Variants in PCBP3 observed in about 807,000 individuals in gnomAD.
The protein encoded by PCBP3 is poly(rC)-binding protein 3.
A neutral mutation model predicts 52.7 loss-of-function variants in PCBP3; 25 were observed. The ratio of observed to expected loss-of-function variants is 0.47; its 90% CI spans 0.35 to 0.66. The LOEUF (loss-of-function observed/expected upper bound fraction) is 0.66, where lower values mean the gene tolerates loss of function less well. Ranked by LOEUF, PCBP3 falls within the 30% of genes least tolerant of loss-of-function variation. The pLI is 0.01. For missense variants in PCBP3, 391 were observed against 490.3 expected, an observed-to-expected ratio of 0.80 and a Z score of 1.91; for synonymous variants, 162 against 183.0, an observed-to-expected ratio of 0.89 and a Z score of 0.93.
intron 5 of PCBP3, among the ~76,000 whole-genome samples, chr21:45,875,345 G>A (rs184152179): frequency 4.3e-4 from 65 of 152,360 alleles, no homozygotes; most frequent in African/African-American, 1.4e-3. Context: ...GTTCCAGGTT[G>A]CCACATCCTG....
chr21:45,818,633 C>T (rs1603443304), intron 4 of PCBP3, among the ~76,000 whole-genome samples: 3 of 152,234 alleles, frequency 2.0e-5, no homozygotes, highest in Admixed American at 6.5e-5. Context: ...TCTCTCTAAC[C>T]GTGAGATCTA....
chr21:45,776,865 A>G (rs1443870710), intron 4 of PCBP3, among the ~76,000 whole-genome samples: 2 of 152,170 alleles, frequency 1.3e-5, no homozygotes, highest in Non-Finnish European at 2.9e-5. Context: ...TGAGGCGATT[A>G]TATGACAGGT....
chr21:45,862,312 A>C (rs1220219183), intron 5 of PCBP3, among the ~76,000 whole-genome samples: 1 of 152,214 alleles, frequency 6.6e-6, no homozygotes, highest in African/African-American at 2.4e-5. Flanking sequence ...AATGCATAAA[A>C]ATGCACAAAA....
At chr21:45,893,650 A>G (rs2095745948) in intron 5 of PCBP3, 3 of 645,718 alleles carry the variant, frequency 4.6e-6, no homozygotes, top group Non-Finnish European at 5.3e-6. Context: ...GCCCTCACGG[A>G]TGACTGTGCC....
At chr21:45,703,584 C>T (rs2083265241) in intron 2 of PCBP3, among the ~76,000 whole-genome samples, 1 of 152,148 alleles carries the variant, frequency 6.6e-6, no homozygotes, top group African/African-American at 2.4e-5. Context: ...TAGACTTTTA[C>T]TCCGTGGGAA....
chr21:45,646,057 CTCTCTCTCTCTCTCTCTCTCTCTCTT>C (rs1485124605), intron 1 of PCBP3, among the ~76,000 whole-genome samples: 4 of 111,064 alleles, frequency 3.6e-5, no homozygotes, highest in African/African-American at 1.6e-4. Context: ...ACCTGTTTCT[CTCTCTCTCTCTCTCTCTCTCTCTCTT>C]TCTCTCTCTC....
At chr21:45,794,924 G>C (rs2146490957) in intron 4 of PCBP3, among the ~76,000 whole-genome samples, 1 of 146,750 alleles carries the variant, frequency 6.8e-6, no homozygotes, top group Non-Finnish European at 1.5e-5. Flanking sequence ...GCCAGACTCT[G>C]TCTCAAAAAA....
At chr21:45,780,709 T>A (rs2090574691) in intron 4 of PCBP3, among the ~76,000 whole-genome samples, 1 of 152,078 alleles carries the variant, frequency 6.6e-6, no homozygotes, top group Admixed American at 6.6e-5. Flanking sequence ...TAATATGATC[T>A]CAGAGAGAAG....
At chr21:45,901,163 TC>T in intron 9 of PCBP3, 50 bp downstream of exon 9, 2 of 1,335,888 alleles carry the variant, frequency 1.5e-6, no homozygotes, top group Non-Finnish European at 2.1e-6. Context: ...GCAGGCCTGG[TC>T]CCAGCTGGCT....
At chr21:45,809,393 C>T (rs2092611505) in intron 4 of PCBP3, among the ~76,000 whole-genome samples, 1 of 152,048 alleles carries the variant, frequency 6.6e-6, no homozygotes, top group South Asian at 2.1e-4. Flanking sequence ...ATGTTGAGTA[C>T]AGAGAGTTGA....
At chr21:45,685,639 A>G (rs1052762038) in intron 2 of PCBP3, among the ~76,000 whole-genome samples, 1 of 152,206 alleles carries the variant, frequency 6.6e-6, no homozygotes, top group Non-Finnish European at 1.5e-5. Context: ...AGTACTTTTC[A>G]AACTGCATGG....
chr21:45,816,877 C>T (rs1391450436), intron 4 of PCBP3, among the ~76,000 whole-genome samples: 4 of 151,908 alleles, frequency 2.6e-5, no homozygotes, highest in Admixed American at 6.6e-5. Context: ...GTACGAGTTA[C>T]GCTCTGATGT....
At chr21:45,897,947 G>A (rs936139841) in intron 6 of PCBP3, among the ~76,000 whole-genome samples, 4 of 152,160 alleles carry the variant, frequency 2.6e-5, no homozygotes, top group African/African-American at 7.2e-5. Flanking sequence ...GTATCTGTGC[G>A]TGGCCTCCCG....
chr21:45,725,178 G>T (rs1187496843), intron 2 of PCBP3, among the ~76,000 whole-genome samples: 1 of 152,168 alleles, frequency 6.6e-6, no homozygotes, highest in African/African-American at 2.4e-5. Flanking sequence ...CTGGGCTGCG[G>T]TGCGTTGGCT....
At chr21:45,730,765 T>A (rs1385188682) in intron 2 of PCBP3, among the ~76,000 whole-genome samples, 1 of 152,180 alleles carries the variant, frequency 6.6e-6, no homozygotes, top group African/African-American at 2.4e-5. Flanking sequence ...ACCCCTTAAT[T>A]ATTATATAAT....
intron 2 of PCBP3, among the ~76,000 whole-genome samples, chr21:45,694,614 A>G (rs752753878): frequency 1.2e-4 from 19 of 152,236 alleles, no homozygotes; most frequent in Non-Finnish European, 1.8e-4. Flanking sequence ...ATACACAATC[A>G]TAGTTGAAAA....
At position 45,880,070 on chromosome 21, in the gene PCBP3, T is replaced by C. The variant is rs746927140; in HGVS notation, c.11-16138T>C. Among the ~76,000 whole-genome samples the C allele has an allele frequency of 5.3e-5, 8 of 152,306 alleles. No homozygotes were observed. The highest frequency in any genetic ancestry group is 6.8e-3 in the Middle Eastern group (2 of 294). On this transcript the variant is annotated intron_variant, in intron 5 of 17. Transcript: ENST00000681687. The surrounding 1 kb of genome is among the most constrained non-coding windows in gnomAD (Gnocchi z 5.4). ...GGTGGCAGTTCTCTGCTGTCTGCGT[T>C]TGTTGTGTGGCGTGAGAGTCCATCC... is the stretch of plus-strand genomic sequence containing the variant.
At chr21:45,854,869 G>A (rs1321043293) in intron 5 of PCBP3, among the ~76,000 whole-genome samples, 2 of 152,208 alleles carry the variant, frequency 1.3e-5, no homozygotes, top group African/African-American at 2.4e-5. Context: ...TCTGCCCCGC[G>A]GAATGCAGTG....
At chr21:45,733,297 T>C (rs553534037) in intron 2 of PCBP3, among the ~76,000 whole-genome samples, 3 of 152,338 alleles carry the variant, frequency 2.0e-5, no homozygotes, top group Non-Finnish European at 2.9e-5. Context: ...TATTTATGTA[T>C]TTATTTTTTG....
Sources: allele counts gnomAD v4.1 joint callset (sites outside exome capture counted in the v4.1 genomes callset), GRCh38; gene constraint gnomAD v4.1.1; non-coding constraint Gnocchi (gnomAD v3.1); transcripts MANE v1.5; gene names NCBI Gene and HGNC (gene_info 2026-07-23, HGNC 2026-07-21).